The following CDK15 variants were observed in gnomAD, a reference collection of about 807,000 sequenced individuals.
CDK15 encodes cyclin dependent kinase 15, also known as cyclin-dependent kinase 15.
Under a neutral mutation model 60.3 loss-of-function variants are expected in CDK15, and 62 were observed. The observed-to-expected ratio is 1.03, with a 90% confidence interval of 0.84 to 1.27. CDK15 has a LOEUF of 1.27. CDK15 is among the 50% of genes most tolerant of loss of function. The probability of loss-of-function intolerance (pLI) is 0.00; values close to 1 mark genes in which losing one functional copy is unlikely to be tolerated. For missense variants in CDK15, 541 were observed against 527.8 expected (o/e 1.03, Z -0.25); for synonymous variants, 194 against 195.7 (o/e 0.99, Z 0.07).
At position 201,806,818 on chromosome 2, in the gene CDK15, T is replaced by C. The variant is rs776854260; in HGVS notation, c.123+31T>C. The C allele has an allele frequency of 2.3e-4, 369 of 1,595,952 alleles. 1 individual carries two copies. Among genetic ancestry groups the C allele is most frequent in the Non-Finnish European group, 2.7e-4 (322 of 1,177,938 alleles). ...TGTATCCCAGGAGAGAGCATCTTTC[T>C]CTATTGATAAACCAAGGAGTTCAGA... On this transcript the variant is annotated intron_variant, in intron 1 of 13. Coordinates refer to ENST00000652192, the MANE Select transcript of CDK15 (RefSeq NM_001366386.2).
At chr2:201,876,433 G>T (rs985982335) in intron 11 of CDK15, 176 of 472,932 alleles carry the variant, frequency 3.7e-4, no homozygotes, top group African/African-American at 3.0e-3. Context: ...GATCCTAATG[G>T]TCTTGCTACC....
At chr2:201,874,106 G>A (rs1041820878) in intron 11 of CDK15, among the ~76,000 whole-genome samples, 1 of 150,734 alleles carries the variant, frequency 6.6e-6, no homozygotes, top group Non-Finnish European at 1.5e-5. Context: ...ATGTTTAGGG[G>A]TGTTTAGAGG....
chr2:201,850,538 G>A (rs73055700), intron 9 of CDK15, among the ~76,000 whole-genome samples: 5,234 of 152,278 alleles, frequency 0.034, 301 homozygotes, highest in African/African-American at 0.12. Context: ...TGCTGAACGT[G>A]ATGACTTTCT....
chr2:201,854,630 A>T, intron 9 of CDK15: 1 of 506,966 alleles, frequency 2.0e-6, no homozygotes, highest in Non-Finnish European at 3.5e-6. Flanking sequence ...CTGCCTCAGA[A>T]CAAGTGAGTC....
intron 8 of CDK15, among the ~76,000 whole-genome samples, chr2:201,838,666 C>A (rs1697231587): frequency 6.6e-6 from 1 of 152,124 alleles, no homozygotes; most frequent in African/African-American, 2.4e-5. Flanking sequence ...CTTGGCCTTC[C>A]CAACTGCTGG....
chr2:201,881,767 G>A (rs563280433), intron 12 of CDK15, among the ~76,000 whole-genome samples: 23 of 151,830 alleles, frequency 1.5e-4, no homozygotes, highest in Admixed American at 1.2e-3. Flanking sequence ...ATTCCTCCCC[G>A]GCCACTCCCA....
chr2:201,815,736 CT>C (rs1695962108), intron 4 of CDK15, among the ~76,000 whole-genome samples: 2 of 152,142 alleles, frequency 1.3e-5, no homozygotes, highest in African/African-American at 4.8e-5. Context: ...GACTTTCAGC[CT>C]GTTAATAGCA....
chr2:201,823,578 C>A, intron 5 of CDK15, 87 bp from the exon 6 acceptor site: 1 of 1,189,734 alleles, frequency 8.4e-7, no homozygotes, highest in Non-Finnish European at 1.3e-6. Flanking sequence ...GTAATACCTT[C>A]TGACAGTCAA....
At chr2:201,871,693 C>T (rs1303241196) in intron 10 of CDK15, among the ~76,000 whole-genome samples, 3 of 152,096 alleles carry the variant, frequency 2.0e-5, no homozygotes, top group Non-Finnish European at 4.4e-5. Context: ...GCTGGAGTTG[C>T]TGTAACAAAG....
At chr2:201,849,237 C>T (rs1697800784) in intron 9 of CDK15, among the ~76,000 whole-genome samples, 1 of 152,172 alleles carries the variant, frequency 6.6e-6, no homozygotes, top group African/African-American at 2.4e-5. Context: ...CTCCATGCAC[C>T]ATAAATGCTC....
At chr2:201,823,799 A>C in intron 6 of CDK15, 72 bp downstream of exon 6, 38 of 1,328,186 alleles carry the variant, frequency 2.9e-5, no homozygotes, top group Non-Finnish European at 3.9e-5. Flanking sequence ...AGACTGTCTC[A>C]CAAAGCAAAG....
Position 201,812,556 on chromosome 2 carries a change from C to G in CDK15, c.442C>G (p.Arg148Gly). 1.2e-6 allele frequency: 2 copies of G among 1,611,208 alleles called. No individual in the cohort carries two copies. The highest frequency in any genetic ancestry group is 1.7e-6 in the Non-Finnish European group (2 of 1,177,924). ...GGAAGGAGTCCCATTTACAGCTATC[C>G]GAGAAGGTAAGAACAGCAGAAATGG... is the stretch of plus-strand genomic sequence containing the variant. Reference protein sequence around the residue: ...AEEGVPFTAIREASLLKGLKH... With the variant: ...AEEGVPFTAIGEASLLKGLKH... Residue 148 changes from arginine (R) to glycine (G), a missense_variant, in exon 4 of 14, where the codon CGA becomes GGA. Coordinates refer to ENST00000652192, the MANE Select transcript of CDK15 (RefSeq NM_001366386.2).
chr2:201,854,010 A>G (rs936636739), intron 9 of CDK15, among the ~76,000 whole-genome samples: 2 of 151,996 alleles, frequency 1.3e-5, no homozygotes, highest in African/African-American at 4.8e-5. Flanking sequence ...AAATACAACA[A>G]CAACAACAAC....
At chr2:201,846,662 G>A (rs1239378933) in intron 8 of CDK15, among the ~76,000 whole-genome samples, 1 of 151,620 alleles carries the variant, frequency 6.6e-6, no homozygotes, top group Non-Finnish European at 1.5e-5. Context: ...TCAAAAGTAA[G>A]CTAACACTAC....
chr2:201,855,877 G>T (rs1698126104), intron 10 of CDK15, among the ~76,000 whole-genome samples: 1 of 148,688 alleles, frequency 6.7e-6, no homozygotes, highest in South Asian at 2.1e-4. Context: ...CCAGGCTGGA[G>T]TGCAGTGGCA....
chr2:201,839,468 G>A (rs1173779194), intron 8 of CDK15, among the ~76,000 whole-genome samples: 3 of 152,054 alleles, frequency 2.0e-5, no homozygotes, highest in South Asian at 4.2e-4. Flanking sequence ...AATACTGTAG[G>A]GACTATAGGT....
At position 201,877,917 on chromosome 2, in the gene CDK15, T is replaced by A. The variant is rs1304493103; in HGVS notation, c.1059-2111T>A. On this transcript the variant is annotated intron_variant, in intron 11 of 13. Coordinates refer to ENST00000652192, the MANE Select transcript of CDK15 (RefSeq NM_001366386.2). ...TTTTAATGCAAATCTTATGCAAAAATTAGGTAAATTAGAATTCTGGGCCAA... is the reference window on the plus strand; with the variant it reads ...TTTTAATGCAAATCTTATGCAAAAAATAGGTAAATTAGAATTCTGGGCCAA... 5.9e-5 allele frequency among the ~76,000 whole-genome samples: 9 copies of A among 152,302 alleles called. No individual in the cohort carries two copies. The South Asian group carries it at 1.5e-3, about 25-fold the overall frequency.
chr2:201,870,275 C>G (rs944438928), intron 10 of CDK15, among the ~76,000 whole-genome samples: 1 of 152,178 alleles, frequency 6.6e-6, no homozygotes, highest in Admixed American at 6.5e-5. Context: ...AGTGAGTAGT[C>G]TTCCAGATCT....
chr2:201,893,014 G>T (rs1348581081), intron 13 of CDK15, among the ~76,000 whole-genome samples: 1 of 152,154 alleles, frequency 6.6e-6, no homozygotes, highest in Non-Finnish European at 1.5e-5. Flanking sequence ...ACTACAGTAA[G>T]GGCTTTACAC....
Sources: allele counts gnomAD v4.1 joint callset (sites outside exome capture counted in the v4.1 genomes callset), GRCh38; gene constraint gnomAD v4.1.1; transcripts MANE v1.5; gene names NCBI Gene and HGNC (gene_info 2026-07-23, HGNC 2026-07-21).